The following SLC41A3 variants were observed in gnomAD, a reference collection of about 807,000 sequenced individuals.
SLC41A3 encodes solute carrier family 41 member 3.
A neutral mutation model predicts 45.4 loss-of-function variants in SLC41A3; 44 were observed. The observed-to-expected ratio is 0.97, with a 90% CI of 0.76 to 1.25. The LOEUF is 1.25. Among genes scored for constraint, SLC41A3 ranks in the 50% most tolerant of loss-of-function variants. The pLI is 0.00. For missense variants in SLC41A3, 550 were observed against 600.6 expected (o/e 0.92, Z 0.88); for synonymous variants, 256 against 252.4 (o/e 1.01, Z -0.13).
intron 1 of SLC41A3, chr3:126,078,994 T>A (rs1945014768): frequency 6.6e-6 from 1 of 152,238 alleles, no homozygotes; most frequent in African/African-American, 2.4e-5. Context: ...CTTCTCCTGA[T>A]GCAAACTGTT....
chr3:126,096,519 C>CA (rs1227963191), intron 1 of SLC41A3, among the ~76,000 whole-genome samples: 1 of 152,190 alleles, frequency 6.6e-6, no homozygotes, highest in African/African-American at 2.4e-5. Flanking sequence ...AGAATGAGGG[C>CA]AAGGAACACC....
intron 3 of SLC41A3, among the ~76,000 whole-genome samples, chr3:126,043,599 T>A (rs1942735557): frequency 6.6e-6 from 1 of 151,954 alleles, no homozygotes; most frequent in Non-Finnish European, 1.5e-5. Context: ...TAAAAAGATA[T>A]ACTTTATGAG....
intron 2 of SLC41A3, chr3:126,057,072 T>A: frequency 1.0e-6 from 1 of 995,178 alleles, no homozygotes; most frequent in Non-Finnish European, 1.2e-6. Flanking sequence ...GAGGAGGGCC[T>A]GGGGAGAGAT....
intron 3 of SLC41A3, 111 bp downstream of exon 3, chr3:126,050,832 T>C (rs1209107439): frequency 1.4e-6 from 2 of 1,421,950 alleles, no homozygotes; most frequent in Non-Finnish European, 1.8e-6. Flanking sequence ...CCCAGAAATA[T>C]CCATTGTTTT....
chr3:126,009,638 T>C (rs2107638492), intron 9 of SLC41A3, among the ~76,000 whole-genome samples: 1 of 152,140 alleles, frequency 6.6e-6, no homozygotes, highest in Middle Eastern at 3.4e-3. Flanking sequence ...ACCAAAATAA[T>C]AAAAGGAGAA....
At chr3:126,012,275 C>A (rs186360918) in intron 9 of SLC41A3, among the ~76,000 whole-genome samples, 6 of 152,326 alleles carry the variant, frequency 3.9e-5, no homozygotes, top group Admixed American at 1.3e-4. Flanking sequence ...CTGCACTCTG[C>A]ACTTTTGCTG....
chr3:126,065,692 A>C (rs1200023169), intron 2 of SLC41A3, among the ~76,000 whole-genome samples: 2 of 152,256 alleles, frequency 1.3e-5, no homozygotes, highest in African/African-American at 4.8e-5. Flanking sequence ...CTTAGAAGAA[A>C]GATGACTGAG....
rs745331021 is a variant in SLC41A3 at position 126,051,039 on chromosome 3, C to T, written c.285G>A (p.Val95=). 3.1e-6 allele frequency: 5 copies of T among 1,609,654 alleles called. No individual in the cohort carries two copies. In the African/African-American group the frequency reaches 4.0e-5, roughly 13 times the overall value. ...TCAAAAGGTCTTTCACCTCCACAAA[C>T]ACAGGCCAGTGCTGGTAGGGAAACA... is the stretch of plus-strand genomic sequence containing the variant. The part of the protein sequence containing the change: ...MLLDYFQHWP[V]FVEVKDLLTL... Residue 95 remains valine, a synonymous_variant, in exon 3 of 11, where the codon GTG becomes GTA. Coordinates refer to ENST00000360370, the MANE Select transcript of SLC41A3 (RefSeq NM_017836.4).
At chr3:126,049,716 T>A (rs1023684734) in intron 3 of SLC41A3, among the ~76,000 whole-genome samples, 1 of 152,210 alleles carries the variant, frequency 6.6e-6, no homozygotes, top group Non-Finnish European at 1.5e-5. Context: ...CATGTGTTAG[T>A]TTCCTCTCGC....
chr3:126,061,588 A>G (rs566068991), intron 2 of SLC41A3, among the ~76,000 whole-genome samples: 2 of 152,300 alleles, frequency 1.3e-5, no homozygotes, highest in African/African-American at 4.8e-5. Context: ...GAATGAATGA[A>G]TGAATGAACG....
chr3:126,022,936 C>T lies in SLC41A3; in HGVS notation c.599-4G>A. ...ACTATACAGACCATCAGCACCCCTG[C>T]AGAGAGAGAGAGGAGAAACAGCAGA... On this transcript the variant is annotated splice_region_variant and splice_polypyrimidine_tract_variant and intron_variant, in intron 5 of 10. Coordinates refer to ENST00000360370, the MANE Select transcript of SLC41A3 (RefSeq NM_017836.4). The T allele has an allele frequency of 1.2e-6, 2 of 1,611,582 alleles. No individual in the cohort carries two copies. The highest frequency in any genetic ancestry group is 1.7e-6 in the Non-Finnish European group (2 of 1,178,516).
intron 3 of SLC41A3, among the ~76,000 whole-genome samples, chr3:126,040,575 C>T (rs1424732305): frequency 6.6e-6 from 1 of 152,102 alleles, no homozygotes; most frequent in African/African-American, 2.4e-5. Context: ...CTTTCCCCTG[C>T]CTGCTTGGTT....
At chr3:126,082,825 C>T (rs1945230786) in intron 1 of SLC41A3, among the ~76,000 whole-genome samples, 1 of 152,242 alleles carries the variant, frequency 6.6e-6, no homozygotes, top group Non-Finnish European at 1.5e-5. Flanking sequence ...TGACCACGCA[C>T]CTGGCTGGTC....
upstream of SLC41A3, among the ~76,000 whole-genome samples, chr3:126,086,417 T>TTG (rs1553748084): frequency 2.0e-5 from 2 of 100,656 alleles, no homozygotes; most frequent in South Asian, 3.2e-4. Context: ...TGTTTTTTTT[T>TTG]TTTTTTTTTT....
At chr3:126,009,616 T>C (rs1939488737) in intron 9 of SLC41A3, among the ~76,000 whole-genome samples, 1 of 152,202 alleles carries the variant, frequency 6.6e-6, no homozygotes, top group Non-Finnish European at 1.5e-5. Flanking sequence ...TCTGAGTTAA[T>C]ATATGTATTT....
intron 2 of SLC41A3, among the ~76,000 whole-genome samples, chr3:126,054,880 G>A (rs564411764): frequency 6.6e-6 from 1 of 152,066 alleles, no homozygotes; most frequent in Admixed American, 6.5e-5. Context: ...TGAGGCTATT[G>A]GGGGAACAAG....
rs141655068 is a variant in SLC41A3, at chr3:126,099,254, C to T, written c.-79+2175G>A. ...GAATTCAAGTTAGTGCTCCAGAGCC[C>T]GGGAGCAACTGGAACTTTCCCACCA... On this transcript the variant is annotated intron_variant, in intron 1 of 9. Coordinates refer to the SLC41A3 transcript ENST00000508835. 4.1e-3 allele frequency among the ~76,000 whole-genome samples: 621 copies of T among 152,102 alleles called. 2 individuals are homozygous for T. Among genetic ancestry groups the T allele is most frequent in the South Asian group, 0.025 (122 of 4,802 alleles).
chr3:126,060,803 G>A (rs902372851), intron 2 of SLC41A3, among the ~76,000 whole-genome samples: 1 of 152,282 alleles, frequency 6.6e-6, no homozygotes, highest in Non-Finnish European at 1.5e-5. Context: ...GGTGGAAGCC[G>A]GGTCCAGCGG....
At chr3:126,054,507 A>G (rs1368094940) in intron 2 of SLC41A3, among the ~76,000 whole-genome samples, 1 of 151,660 alleles carries the variant, frequency 6.6e-6, no homozygotes, top group Non-Finnish European at 1.5e-5. Flanking sequence ...AGAGCCCCTC[A>G]CTCCTGCCCA....
Sources: allele counts gnomAD v4.1 joint callset (sites outside exome capture counted in the v4.1 genomes callset), GRCh38; gene constraint gnomAD v4.1.1; transcripts MANE v1.5; gene names NCBI Gene and HGNC (gene_info 2026-07-23, HGNC 2026-07-21).